The following P2RY10 variants were observed in gnomAD, a reference collection of about 807,000 sequenced individuals.
P2RY10 encodes P2Y receptor family member 10.
P2RY10 carries 4 observed loss-of-function variants against 12.1 expected under a neutral mutation model. The ratio of observed to expected loss-of-function variants is 0.33; its 90% CI spans 0.16 to 0.76. The LOEUF (loss-of-function observed/expected upper bound fraction) is 0.76. Ranked by LOEUF, P2RY10 falls within the 30% of genes least tolerant of loss-of-function variation. The pLI is 0.61. For synonymous variants in P2RY10, 112 were observed against 94.1 expected (o/e 1.19, Z -1.10); for missense variants, 233 against 264.6 (o/e 0.88, Z 0.83).
chrX:78,960,547 AAC>A lies in P2RY10; in HGVS notation c.29_30del (p.Thr10IlefsTer5), dbSNP rs1355184985. ...TGGCTAACCTTGACAAATACACTGA[AAC>A]ATTCAAGATGGGTAGCAACAGTACC... The part of the protein sequence containing the change: MANLDKYTE[T>X]FKMGSNSTST... On this transcript the variant is annotated frameshift_variant, in exon 4 of 4. Coordinates refer to ENST00000171757, the MANE Select transcript of P2RY10 (RefSeq NM_014499.4). LOFTEE classifies it high-confidence loss of function. 8.3e-7 allele frequency: 1 copy of A among 1,208,144 alleles called. No individual in the cohort carries two copies.
Position 78,961,867 on chromosome X carries a change from T to C in P2RY10, c.*327T>C, listed in dbSNP as rs762000195. On this transcript the variant is annotated 3_prime_UTR_variant, in exon 4 of 4. Coordinates refer to ENST00000171757, the MANE Select transcript of P2RY10 (RefSeq NM_014499.4). The stretch of plus-strand genomic sequence containing the variant: ...TTTTCAATAAGTAAGTTATTGTTAA[T>C]AATGCACAGTAAATATGTGAATTTT... 6.0e-6 allele frequency: 1 copy of C among 166,929 alleles called. No homozygotes were observed. Among genetic ancestry groups the C allele is most frequent in the South Asian group, 3.1e-4 (1 of 3,272 alleles). 13.8% of individuals were successfully genotyped at this position (166,929 alleles called of 1,213,427 possible).
intron 3 of P2RY10, among the ~76,000 whole-genome samples, chrX:78,955,867 T>C (rs979811208): frequency 2.7e-5 from 3 of 111,991 alleles, no homozygotes; most frequent in African/African-American, 9.7e-5. Context: ...AAATAGCTCA[T>C]AGGATGGGGC....
chrX:78,946,881 G>C (rs189201640), intron 1 of P2RY10, among the ~76,000 whole-genome samples: 176 of 111,733 alleles, frequency 1.6e-3, no homozygotes, highest in African/African-American at 5.4e-3. Context: ...CACATTTATG[G>C]GTTGTTTTGG....
rs6618868 is a variant in P2RY10 at position 78,960,527 on chromosome X, A to C, written c.7A>C (p.Asn3His). MA[N>H]LDKYTETFKM... ...GGGCAGGAACCATAAATCCATGGCT[A>C]ACCTTGACAAATACACTGAAACATT... The change falls in exon 4 of 4, where the codon AAC becomes CAC. Residue 3 changes from asparagine (N) to histidine (H), a missense_variant. Transcript: ENST00000171757. 0.06 allele frequency: 72,205 copies of C among 1,203,970 alleles called. 6,453 individuals are homozygous for C. The highest frequency in any genetic ancestry group is 0.49 in the East Asian group (16,522 of 33,556).
intron 3 of P2RY10, among the ~76,000 whole-genome samples, chrX:78,956,237 C>A (rs1182964121): frequency 5.4e-5 from 6 of 111,384 alleles, no homozygotes; most frequent in Non-Finnish European, 1.1e-4. Flanking sequence ...AAATTGATTT[C>A]TTTTCTCTTT....
intron 3 of P2RY10, among the ~76,000 whole-genome samples, chrX:78,956,350 G>T (rs1260869778): frequency 8.9e-6 from 1 of 111,778 alleles, no homozygotes; most frequent in Non-Finnish European, 1.9e-5. Flanking sequence ...TAGGGAAATA[G>T]TCGGCATCAG....
chrX:78,947,308 G>A (rs866928235), intron 1 of P2RY10, among the ~76,000 whole-genome samples: 3 of 111,941 alleles, frequency 2.7e-5, no homozygotes, highest in Non-Finnish European at 5.6e-5. Flanking sequence ...ATAGTAAAAT[G>A]AGACTTTCTA....
chrX:78,956,408 T>C (rs185612065), intron 3 of P2RY10, among the ~76,000 whole-genome samples: 207 of 111,565 alleles, frequency 1.9e-3, no homozygotes, highest in Non-Finnish European at 3.1e-3. Context: ...GCTTAATACT[T>C]CTAAACAGAA....
At chrX:78,958,194 CT>C (rs1244989223) in intron 3 of P2RY10, among the ~76,000 whole-genome samples, 1 of 112,532 alleles carries the variant, frequency 8.9e-6, no homozygotes, top group East Asian at 2.8e-4. Flanking sequence ...TAAGTTCCTA[CT>C]ATGGGATTAG....
intron 2 of P2RY10, among the ~76,000 whole-genome samples, 197 bp from the exon 3 acceptor site, chrX:78,951,996 A>G (rs1442629312): frequency 9.0e-6 from 1 of 111,729 alleles, no homozygotes; most frequent in African/African-American, 3.3e-5. Context: ...GCTCCCACTT[A>G]TAAGTGAGAA....
In P2RY10 at chrX:78,962,569, G is replaced by A. The variant is rs1023351769; in HGVS notation, c.*1029G>A. 3.6e-5 allele frequency among the ~76,000 whole-genome samples: 4 copies of A among 111,725 alleles called. No homozygotes were observed. Among genetic ancestry groups the A allele is most frequent in the African/African-American group, 9.8e-5 (3 of 30,685 alleles). On this transcript the variant is annotated 3_prime_UTR_variant, in exon 4 of 4. Transcript: ENST00000171757. ...AGGCCATTTCAACATGGTTTGCCTG[G>A]AATTCTCCAAAAAACCTGTGGGTTG...
At chrX:78,956,663 G>T (rs1224400969) in intron 3 of P2RY10, among the ~76,000 whole-genome samples, 1 of 110,338 alleles carries the variant, frequency 9.1e-6, no homozygotes, top group Admixed American at 9.6e-5. Flanking sequence ...ATGATGTATA[G>T]GATTACCTAG....
chrX:78,953,240 A>T (rs1311204058), intron 3 of P2RY10, among the ~76,000 whole-genome samples: 1 of 112,107 alleles, frequency 8.9e-6, no homozygotes, highest in African/African-American at 3.2e-5. Context: ...GGTTAGACAC[A>T]GGAGGAAATA....
At chrX:78,949,097 G>C (rs1165937669) in intron 2 of P2RY10, among the ~76,000 whole-genome samples, 1 of 110,913 alleles carries the variant, frequency 9.0e-6, no homozygotes, top group Admixed American at 9.6e-5. Flanking sequence ...TTGCAGTAAC[G>C]TGCTATTTTA....
At chrX:78,949,640 C>T (rs1922018631) in intron 2 of P2RY10, among the ~76,000 whole-genome samples, 1 of 112,271 alleles carries the variant, frequency 8.9e-6, no homozygotes, top group African/African-American at 3.2e-5. Context: ...CAAATTCAAA[C>T]TTTAAGTTGT....
At chrX:78,946,807 C>T (rs1212675651) in intron 1 of P2RY10, among the ~76,000 whole-genome samples, 1 of 112,169 alleles carries the variant, frequency 8.9e-6, no homozygotes, top group East Asian at 2.8e-4. Flanking sequence ...TGGGGCTCAA[C>T]TGGGAAAGTT....
intron 3 of P2RY10, among the ~76,000 whole-genome samples, chrX:78,956,747 C>A (rs919408447): frequency 9.0e-6 from 1 of 111,373 alleles, no homozygotes; most frequent in African/African-American, 3.3e-5. Context: ...AATTTTGTGA[C>A]CTCAGCACCA....
intron 2 of P2RY10, among the ~76,000 whole-genome samples, chrX:78,951,868 G>T (rs975333299): frequency 9.0e-6 from 1 of 111,454 alleles, no homozygotes; most frequent in African/African-American, 3.3e-5. Flanking sequence ...CCATCACCTA[G>T]TTATTAAGCC....
Position 78,961,838 on chromosome X carries a change from AT to A in P2RY10, c.*305del, listed in dbSNP as rs1271158063. ...ATAAAAGTTGAATAGTTTACCTTAA[AT>A]TTTTTTCAATAAGTAAGTTATTGTT... On this transcript the variant is annotated 3_prime_UTR_variant, in exon 4 of 4. Coordinates refer to ENST00000171757, the MANE Select transcript of P2RY10 (RefSeq NM_014499.4). 4.7e-6 allele frequency: 1 copy of A among 210,969 alleles called. No individual in the cohort carries two copies. The highest frequency in any genetic ancestry group is 9.1e-6 in the Non-Finnish European group (1 of 110,263). 17.4% of individuals were successfully genotyped at this position (210,969 alleles called of 1,213,427 possible). A position where few individuals can be genotyped will look rare whatever the true frequency, so the allele number is the denominator to read the frequency against.
Sources: allele counts gnomAD v4.1 joint callset (sites outside exome capture counted in the v4.1 genomes callset), GRCh38; gene constraint gnomAD v4.1.1; transcripts MANE v1.5; gene names NCBI Gene and HGNC (gene_info 2026-07-23, HGNC 2026-07-21).